Variants in PTPRD observed in about 807,000 individuals in gnomAD.
The protein encoded by PTPRD is receptor-type tyrosine-protein phosphatase delta.
Under a neutral mutation model 214.5 loss-of-function variants are expected in PTPRD, and 34 were observed. The observed-to-expected ratio is 0.16, with a 90% CI of 0.12 to 0.21. The LOEUF is 0.21. Ranked by LOEUF, PTPRD falls within the 10% of genes least tolerant of loss-of-function variation. The probability of loss-of-function intolerance (pLI) is 1.00; values close to 1 mark genes in which losing one functional copy is unlikely to be tolerated. For synonymous variants in PTPRD, 1,128 were observed against 845.7 expected (o/e 1.33, Z -5.79); for missense variants, 2,545 against 2,398.7 (o/e 1.06, Z -1.27).
At chr9:9,676,842 A>C (rs1369692253) in intron 7 of PTPRD, among the ~76,000 whole-genome samples, 1 of 152,026 alleles carries the variant, frequency 6.6e-6, no homozygotes, top group Admixed American at 6.6e-5. Context: ...ATGGTATCTC[A>C]TTGTGGTTTT....
chr9:8,937,730 C>T (rs1352467286), intron 11 of PTPRD, among the ~76,000 whole-genome samples: 2 of 152,138 alleles, frequency 1.3e-5, no homozygotes, highest in Non-Finnish European at 2.9e-5. Context: ...CAAAAGCTTA[C>T]AATTAAACAA....
chr9:9,037,747 T>C (rs1030938179), intron 10 of PTPRD, among the ~76,000 whole-genome samples: 2 of 152,154 alleles, frequency 1.3e-5, no homozygotes, highest in African/African-American at 4.8e-5. Flanking sequence ...CATCATAGGA[T>C]TAAGCATTTA....
At chr9:8,933,698 T>C (rs1360092632) in intron 11 of PTPRD, among the ~76,000 whole-genome samples, 1 of 152,114 alleles carries the variant, frequency 6.6e-6, no homozygotes, top group Non-Finnish European at 1.5e-5. Context: ...ATACTACCTC[T>C]TAGTCTTTCA....
chr9:10,104,428 C>A (rs2098603596), intron 3 of PTPRD, among the ~76,000 whole-genome samples: 1 of 151,614 alleles, frequency 6.6e-6, no homozygotes, highest in South Asian at 2.1e-4. Context: ...CACATATGCA[C>A]ACACACATAA....
intron 11 of PTPRD, among the ~76,000 whole-genome samples, chr9:8,915,710 C>A (rs956475139): frequency 1.3e-5 from 2 of 152,122 alleles, no homozygotes; most frequent in Non-Finnish European, 2.9e-5. Flanking sequence ...AATCCAATGT[C>A]CCAGCTCCAG....
At chr9:8,404,214 C>T (rs760070321) in intron 36 of PTPRD, among the ~76,000 whole-genome samples, 6 of 152,210 alleles carry the variant, frequency 3.9e-5, no homozygotes, top group Middle Eastern at 3.4e-3. Flanking sequence ...CTGCAACTCC[C>T]GCCTCCTGGG....
At chr9:8,892,565 GTGTGTATATATATGTGTGTATATATA>G (rs1566865066) in intron 11 of PTPRD, among the ~76,000 whole-genome samples, 56 of 147,618 alleles carry the variant, frequency 3.8e-4, no homozygotes, top group African/African-American at 9.3e-4. Context: ...GTGTATATAT[GTGTGTATATATATGTGTGTATATATA>G]TGTGTATATA....
chr9:9,417,534 C>A (rs1187372940), intron 8 of PTPRD, among the ~76,000 whole-genome samples: 2 of 152,002 alleles, frequency 1.3e-5, no homozygotes, highest in Non-Finnish European at 2.9e-5. Context: ...AACTCCAGTT[C>A]ATTCTTTCTA....
chr9:8,747,342 T>G (rs6477345), intron 11 of PTPRD, among the ~76,000 whole-genome samples: 11,222 of 152,030 alleles, frequency 0.074, 1,119 homozygotes, highest in African/African-American at 0.23. Flanking sequence ...AGTCCTCCAT[T>G]CCCATACAAC....
chr9:9,228,924 G>A (rs112525942), intron 9 of PTPRD, among the ~76,000 whole-genome samples: 2 of 152,098 alleles, frequency 1.3e-5, no homozygotes, highest in African/African-American at 4.8e-5. Context: ...GATAGTTTAT[G>A]TATGTACATT....
At chr9:8,474,052 T>G (rs1413222467) in intron 30 of PTPRD, among the ~76,000 whole-genome samples, 1 of 152,164 alleles carries the variant, frequency 6.6e-6, no homozygotes, top group Admixed American at 6.6e-5. Flanking sequence ...TACTGCTTCC[T>G]TTGCAGCCTT....
chr9:9,945,488 C>T (rs187594130), intron 4 of PTPRD, among the ~76,000 whole-genome samples: 141 of 152,156 alleles, frequency 9.3e-4, no homozygotes, highest in African/African-American at 3.1e-3. Flanking sequence ...TGCAGGAAGT[C>T]AGAGAGTGGG....
chr9:9,126,850 T>C (rs2099834635), intron 10 of PTPRD, among the ~76,000 whole-genome samples: 1 of 152,222 alleles, frequency 6.6e-6, no homozygotes, highest in African/African-American at 2.4e-5. Context: ...TAATTTGTAT[T>C]CGTTCATTCA....
chr9:9,208,690 A>G (rs1207023210), intron 9 of PTPRD, among the ~76,000 whole-genome samples: 1 of 152,184 alleles, frequency 6.6e-6, no homozygotes, highest in Non-Finnish European at 1.5e-5. Flanking sequence ...GAAATAAAGA[A>G]GATACGATAA....
At chr9:8,433,875 G>A (rs947275548) in intron 35 of PTPRD, among the ~76,000 whole-genome samples, 7 of 152,074 alleles carry the variant, frequency 4.6e-5, no homozygotes, top group Non-Finnish European at 7.4e-5. Context: ...ATACAGTAAC[G>A]TCCTAGGCCT....
chr9:8,710,184 T>C lies in PTPRD; in HGVS notation c.64+23596A>G, dbSNP rs145904288. Among the ~76,000 whole-genome samples, 1,140 of 152,308 alleles carry C rather than the reference T, an allele frequency of 7.5e-3. 14 individuals are homozygous for C. Among genetic ancestry groups the C allele is most frequent in the African/African-American group, 0.026 (1,091 of 41,576 alleles). Reference sequence around the variant, plus strand: ...TTTTTCCTGGCAATAGTGGACCATATATGCTCCTGGTAATGAGCTACAACC... The same window carrying C: ...TTTTTCCTGGCAATAGTGGACCATACATGCTCCTGGTAATGAGCTACAACC... On this transcript the variant is annotated intron_variant, in intron 12 of 45. Transcript: ENST00000381196.
intron 5 of PTPRD, among the ~76,000 whole-genome samples, chr9:9,887,373 A>C (rs768664294): frequency 2.6e-5 from 4 of 152,144 alleles, no homozygotes; most frequent in African/African-American, 4.8e-5. Context: ...CTTCTCCTGC[A>C]AGTTTTGTCT....
intron 11 of PTPRD, among the ~76,000 whole-genome samples, chr9:8,778,782 T>C (rs889247837): frequency 6.6e-6 from 1 of 152,176 alleles, no homozygotes; most frequent in South Asian, 2.1e-4. Flanking sequence ...ATTCATCCAC[T>C]CTGAGCTTCA....
chr9:9,167,011 C>T (rs2099905697), intron 10 of PTPRD, among the ~76,000 whole-genome samples: 1 of 143,700 alleles, frequency 7.0e-6, no homozygotes, highest in African/African-American at 2.5e-5. Context: ...AGTACTAAGT[C>T]TTATCTTAAT....
Sources: allele counts gnomAD v4.1 joint callset (sites outside exome capture counted in the v4.1 genomes callset), GRCh38; gene constraint gnomAD v4.1.1; transcripts MANE v1.5; gene names NCBI Gene and HGNC (gene_info 2026-07-23, HGNC 2026-07-21).